BBOX1: variants seen among roughly 807,000 people sequenced by gnomAD.
The protein encoded by BBOX1 is gamma-butyrobetaine dioxygenase.
Under a neutral mutation model 41.6 loss-of-function variants are expected in BBOX1, and 35 were observed. That is an observed-to-expected ratio of 0.84 (90% confidence interval 0.64 to 1.11). The LOEUF (loss-of-function observed/expected upper bound fraction) is 1.11, where lower values mean the gene tolerates loss of function less well. Among genes scored for constraint, BBOX1 ranks in the 50% most tolerant of loss-of-function variants. The pLI, the probability that BBOX1 is intolerant of heterozygous loss-of-function variation, is 0.00. For missense variants in BBOX1, 458 were observed against 460.6 expected, an observed-to-expected ratio of 0.99 and a Z score of 0.05; for synonymous variants, 163 against 154.7, an observed-to-expected ratio of 1.05 and a Z score of -0.40.
At chr11:27,058,567 G>A (rs1307243283) in intron 4 of BBOX1, among the ~76,000 whole-genome samples, 1 of 152,206 alleles carries the variant, frequency 6.6e-6, no homozygotes, top group Non-Finnish European at 1.5e-5. Flanking sequence ...AATGCTGATG[G>A]TGATATGGAC....
At chr11:27,124,015 G>A (rs545083398) in intron 7 of BBOX1, among the ~76,000 whole-genome samples, 1 of 152,316 alleles carries the variant, frequency 6.6e-6, no homozygotes, top group East Asian at 1.9e-4. Flanking sequence ...ATCACCAACT[G>A]TTGAGTTTAC....
intron 7 of BBOX1, among the ~76,000 whole-genome samples, chr11:27,123,045 T>C (rs993948752): frequency 6.6e-6 from 1 of 152,170 alleles, no homozygotes; most frequent in African/African-American, 2.4e-5. Flanking sequence ...AGGTACCAGC[T>C]ACCCATCTCC....
intron 6 of BBOX1, among the ~76,000 whole-genome samples, chr11:27,116,731 C>G (rs1343315672): frequency 3.9e-5 from 6 of 152,052 alleles, no homozygotes; most frequent in Non-Finnish European, 7.4e-5. Flanking sequence ...AATTTTCAGA[C>G]AGCTACACAA....
chr11:27,090,069 T>G (rs1294554750), intron 4 of BBOX1, among the ~76,000 whole-genome samples: 1 of 151,970 alleles, frequency 6.6e-6, no homozygotes, highest in African/African-American at 2.4e-5. Flanking sequence ...GCTCTTACCA[T>G]ATGAAATCAA....
Position 27,055,624 on chromosome 11 carries a change from A to G in BBOX1, c.194A>G (p.Lys65Arg). 1 of 1,613,838 alleles carries G rather than the reference A, an allele frequency of 6.2e-7. No individual in the cohort carries two copies. The highest frequency in any genetic ancestry group is 8.5e-7 in the Non-Finnish European group (1 of 1,179,760). ...GCTCTTGATGTGAACATTGGAATTA[A>G]AGGCTTGATATTTGACAGAAAAAAG... ...VEALDVNIGIKGLIFDRKKVY... is the reference protein window; with the variant it reads ...VEALDVNIGIRGLIFDRKKVY... The change falls in exon 3 of 9, where the codon AAA becomes AGA. Residue 65 changes from lysine to arginine, a missense_variant. Physicochemically the swap from Lys to Arg is conservative, Grantham distance 26. Coordinates refer to ENST00000263182, the MANE Select transcript of BBOX1 (RefSeq NM_003986.3).
At chr11:27,103,421 CT>C (rs967643360) in intron 5 of BBOX1, among the ~76,000 whole-genome samples, 1 of 152,016 alleles carries the variant, frequency 6.6e-6, no homozygotes, top group Non-Finnish European at 1.5e-5. Flanking sequence ...TTGAGGACTC[CT>C]GTTAAGTATA....
intron 5 of BBOX1, among the ~76,000 whole-genome samples, chr11:27,094,696 C>A (rs1590207706): frequency 1.3e-5 from 2 of 152,082 alleles, no homozygotes; most frequent in East Asian, 3.9e-4. Flanking sequence ...AAGACTTGGT[C>A]TGTAGATAAA....
At chr11:27,108,403 G>A (rs964549615) in intron 5 of BBOX1, among the ~76,000 whole-genome samples, 2 of 152,078 alleles carry the variant, frequency 1.3e-5, no homozygotes, top group African/African-American at 2.4e-5. Context: ...CGTGCAAACC[G>A]CAGCATTTTC....
chr11:27,104,495 T>G lies in BBOX1; in HGVS notation c.534-10957T>G, dbSNP rs989932207. On this transcript the variant is annotated intron_variant, in intron 5 of 8. Coordinates refer to ENST00000263182, the MANE Select transcript of BBOX1 (RefSeq NM_003986.3). ...GTATAGGGAGAATTCAGAGAGATTC[T>G]TTTAAATAATTTCACCACTATCATT... Among the ~76,000 whole-genome samples the G allele has an allele frequency of 5.4e-4, 83 of 152,318 alleles. 1 individual carries two copies. The highest frequency in any genetic ancestry group is 2.0e-3 in the African/African-American group (82 of 41,578).
intron 3 of BBOX1, among the ~76,000 whole-genome samples, chr11:27,056,600 C>A (rs1484264647): frequency 1.3e-5 from 2 of 152,092 alleles, no homozygotes; most frequent in Non-Finnish European, 2.9e-5. Flanking sequence ...TCTTAATTGA[C>A]AACTAGCTTC....
At chr11:27,117,395 A>G (rs1008489468) in intron 6 of BBOX1, among the ~76,000 whole-genome samples, 9 of 151,978 alleles carry the variant, frequency 5.9e-5, no homozygotes, top group African/African-American at 2.2e-4. Flanking sequence ...AAAATACCAC[A>G]TGATTTCTTT....
At chr11:27,076,606 C>T (rs758578816) in intron 4 of BBOX1, among the ~76,000 whole-genome samples, 2 of 152,130 alleles carry the variant, frequency 1.3e-5, no homozygotes, top group Non-Finnish European at 2.9e-5. Flanking sequence ...TCTGTATTCT[C>T]AGACAATGAG....
intron 4 of BBOX1, chr11:27,066,546 C>T (rs1020614266): frequency 1.3e-5 from 2 of 151,036 alleles, no homozygotes; most frequent in African/African-American, 4.9e-5. Flanking sequence ...AATTACACAG[C>T]GTTAGGTTTG....
intron 3 of BBOX1, among the ~76,000 whole-genome samples, chr11:27,055,926 G>T (rs1041343351): frequency 6.6e-6 from 1 of 151,976 alleles, no homozygotes; most frequent in Non-Finnish European, 1.5e-5. Flanking sequence ...GCTTGTTCTG[G>T]GATTCCCAAA....
chr11:27,076,120 T>C (rs1857622504), intron 4 of BBOX1, among the ~76,000 whole-genome samples: 1 of 152,188 alleles, frequency 6.6e-6, no homozygotes, highest in Non-Finnish European at 1.5e-5. Flanking sequence ...ACCAGACTAC[T>C]GTGAATGCTG....
intron 4 of BBOX1, among the ~76,000 whole-genome samples, chr11:27,091,271 A>G (rs78608018): frequency 0.022 from 3,298 of 151,958 alleles, 111 homozygotes; most frequent in African/African-American, 0.075. Flanking sequence ...TTTTGTTTTA[A>G]TTGCCACCTT....
chr11:27,115,595 G>A (rs1302875695), intron 6 of BBOX1, 38 bp downstream of exon 6: 1 of 1,523,308 alleles, frequency 6.6e-7, no homozygotes, highest in Non-Finnish European at 9.0e-7. Context: ...AAAGCATGAT[G>A]ATGACCAGTA....
intron 2 of BBOX1, among the ~76,000 whole-genome samples, chr11:27,041,802 A>G (rs962250728): frequency 6.6e-6 from 1 of 152,178 alleles, no homozygotes; most frequent in African/African-American, 2.4e-5. Context: ...CAGAAAGTAA[A>G]CAGAAGAGAC....
At position 27,125,714 on chromosome 11, in the gene BBOX1, A is replaced by G; in HGVS notation, c.897A>G (p.Ile299Met). 1.2e-6 allele frequency: 2 copies of G among 1,611,748 alleles called. No homozygotes were observed. The highest frequency in any genetic ancestry group is 1.7e-6 in the Non-Finnish European group (2 of 1,178,642). The stretch of plus-strand genomic sequence containing the variant: ...TCAATAACGCAACTAGGGACACAAT[A>G]TTTGATGTGCCTGTTGAAAGAGTTC... The part of the protein sequence containing the change: ...INFNNATRDT[I>M]FDVPVERVQP... Residue 299 changes from isoleucine (I) to methionine (M), a missense_variant, in exon 8 of 9, where the codon ATA (isoleucine) becomes ATG (methionine). Physicochemically the swap from Ile to Met is conservative, Grantham distance 10 (BLOSUM62 1). Coordinates refer to ENST00000263182, the MANE Select transcript of BBOX1 (RefSeq NM_003986.3).
Sources: allele counts gnomAD v4.1 joint callset (sites outside exome capture counted in the v4.1 genomes callset), GRCh38; gene constraint gnomAD v4.1.1; transcripts MANE v1.5; gene names NCBI Gene and HGNC (gene_info 2026-07-23, HGNC 2026-07-21).